RRM2B: variants seen among roughly 807,000 people sequenced by gnomAD.
RRM2B encodes the protein ribonucleoside-diphosphate reductase subunit M2 B.
Under a neutral mutation model 45.9 loss-of-function variants are expected in RRM2B, and 20 were observed. That is an observed-to-expected ratio of 0.44 (90% CI 0.31 to 0.63). The LOEUF is 0.63. Among genes scored for constraint, RRM2B ranks in the 30% least tolerant of loss-of-function variants. The pLI is 0.09. For missense variants in RRM2B, 320 were observed against 414.7 expected, an observed-to-expected ratio of 0.77 and a Z score of 1.98; for synonymous variants, 124 against 132.3, an observed-to-expected ratio of 0.94 and a Z score of 0.43.
chr8:102,232,006 A>G, intron 2 of RRM2B, 143 bp downstream of exon 2: 3 of 785,216 alleles, frequency 3.8e-6, no homozygotes, highest in Non-Finnish European at 6.4e-6. Flanking sequence ...TGAGAACATC[A>G]TATTTAGTCT....
intron 1 of RRM2B, among the ~76,000 whole-genome samples, chr8:102,237,559 C>T (rs751256429): frequency 1.3e-5 from 2 of 152,198 alleles, no homozygotes; most frequent in Non-Finnish European, 2.9e-5. Context: ...GGCAACCCAG[C>T]ATCTCAAGTT....
chr8:102,217,840 A>AG (rs1379713007), intron 6 of RRM2B, among the ~76,000 whole-genome samples: 24 of 151,358 alleles, frequency 1.6e-4, no homozygotes, highest in Admixed American at 1.1e-3. Flanking sequence ...AAAAAAAAAA[A>AG]GGGGTGGTAA....
intron 6 of RRM2B, 41 bp downstream of exon 6, chr8:102,218,773 T>A: frequency 1.4e-6 from 2 of 1,407,902 alleles, no homozygotes; most frequent in Non-Finnish European, 2.0e-6. Context: ...GAACATCAAA[T>A]ATGAATACAA....
intron 7 of RRM2B, among the ~76,000 whole-genome samples, chr8:102,213,714 T>C (rs1441092020): frequency 6.6e-6 from 1 of 151,604 alleles, no homozygotes; most frequent in Non-Finnish European, 1.5e-5. Flanking sequence ...AAATAAAAAA[T>C]CATCACTGTT....
At chr8:102,227,871 A>T (rs1247832839) in intron 2 of RRM2B, among the ~76,000 whole-genome samples, 1 of 152,120 alleles carries the variant, frequency 6.6e-6, no homozygotes, top group South Asian at 2.1e-4. Context: ...AATCCTATTC[A>T]TGAGGGCTCC....
intron 1 of RRM2B, 53 bp downstream of exon 1, chr8:102,238,774 C>T: frequency 6.2e-7 from 1 of 1,613,364 alleles, no homozygotes. Context: ...AACTTGCAAT[C>T]TAACGGGCTG....
chr8:102,237,477 A>T (rs780055915), intron 1 of RRM2B, among the ~76,000 whole-genome samples: 5 of 152,210 alleles, frequency 3.3e-5, no homozygotes, highest in Non-Finnish European at 7.3e-5. Context: ...CATTTTTTAC[A>T]AAATACTCCA....
rs781690502 is a variant in RRM2B at position 102,208,301 on chromosome 8, A to G, written c.904-16T>C. The G allele has an allele frequency of 4.0e-6, 6 of 1,497,234 alleles. No homozygotes were observed. Among genetic ancestry groups the G allele is most frequent in the Non-Finnish European group, 5.6e-6 (6 of 1,075,324 alleles). The allele number at this position is 1,497,234 out of a possible 1,614,324, so 92.7% of individuals were successfully genotyped here. On this transcript the variant is annotated splice_polypyrimidine_tract_variant and intron_variant, in intron 8 of 8. Transcript: ENST00000251810. ...CCTGAAAAACCTAAAAAGGAAAGAA[A>G]TATTATTAGACATTCTGAAGAGATC... is the stretch of plus-strand genomic sequence containing the variant.
rs377366182 is a variant in RRM2B at position 102,222,588 on chromosome 8, C to G, written c.550+1458G>C. Among the ~76,000 whole-genome samples the G allele has an allele frequency of 1.1e-4, 16 of 152,262 alleles. No homozygotes were observed. The East Asian group carries it at 2.7e-3, about 26-fold the overall frequency. On this transcript the variant is annotated intron_variant, in intron 5 of 8. Coordinates refer to ENST00000251810, the MANE Select transcript of RRM2B (RefSeq NM_015713.5). ...GCATTATTTTTTTTTAACTACCAGTCTCTCATACTTTACAATGGTATTTTC... is the reference window on the plus strand; with the variant it reads ...GCATTATTTTTTTTTAACTACCAGTGTCTCATACTTTACAATGGTATTTTC...
rs138290779 is a variant in RRM2B at position 102,237,376 on chromosome 8, T to C, written c.48+1451A>G. 2.7e-3 allele frequency among the ~76,000 whole-genome samples: 417 copies of C among 152,350 alleles called. 2 individuals carry two copies. Among genetic ancestry groups the C allele is most frequent in the African/African-American group, 9.3e-3 (386 of 41,584 alleles). On this transcript the variant is annotated intron_variant, in intron 1 of 8. Transcript: ENST00000251810. ...GGGGTTTTTTGTTTTTGTTTTAATA[T>C]GTGTACCAGGATCACCTGAAGTACT...
chr8:102,233,577 C>T (rs1258953944), intron 1 of RRM2B, among the ~76,000 whole-genome samples: 2 of 152,178 alleles, frequency 1.3e-5, no homozygotes, highest in Non-Finnish European at 2.9e-5. Context: ...GACCACAATA[C>T]ATCAGTGAGA....
chr8:102,225,803 T>C, intron 3 of RRM2B, 115 bp downstream of exon 3: 1 of 734,018 alleles, frequency 1.4e-6, no homozygotes, highest in South Asian at 1.4e-5. Context: ...GAGTTAAGCT[T>C]CATCTAGTTC....
intron 2 of RRM2B, among the ~76,000 whole-genome samples, chr8:102,229,287 A>C (rs560058502): frequency 6.4e-4 from 98 of 152,030 alleles, no homozygotes; most frequent in Non-Finnish European, 9.0e-4. Context: ...AAAAAAAAAA[A>C]CCCACAAAGC....
At chr8:102,213,473 T>C (rs1377630263) in intron 7 of RRM2B, among the ~76,000 whole-genome samples, 1 of 152,150 alleles carries the variant, frequency 6.6e-6, no homozygotes, top group Non-Finnish European at 1.5e-5. Context: ...TATGCCTTTT[T>C]CCTCTTTCAA....
At chr8:102,218,707 CA>C (rs1810774273) in intron 6 of RRM2B, 106 bp downstream of exon 6, 1 of 921,576 alleles carries the variant, frequency 1.1e-6, no homozygotes, top group Non-Finnish European at 1.6e-6. Context: ...GCCTGGGTGA[CA>C]GAGTGAGATC....
chr8:102,224,275 G>A lies in RRM2B; in HGVS notation c.456-135C>T, dbSNP rs535910668. 570 of 628,812 alleles carry A rather than the reference G, an allele frequency of 9.1e-4. 2 individuals carry two copies. The highest frequency in any genetic ancestry group is 1.3e-3 in the Non-Finnish European group (441 of 348,940). The allele number at this position is 628,812 out of a possible 1,614,324, so 39.0% of individuals were successfully genotyped here. A position where few individuals can be genotyped will look rare whatever the true frequency, so the allele number is the denominator to read the frequency against. On this transcript the variant is annotated intron_variant, in intron 4 of 8. Coordinates refer to ENST00000251810, the MANE Select transcript of RRM2B (RefSeq NM_015713.5). Reference sequence around the variant, plus strand: ...CGGCTCACTGCAAGCTCCACCTCCCGGGTTCATGCCATTCTCCTGCCTCAG... The same window carrying A: ...CGGCTCACTGCAAGCTCCACCTCCCAGGTTCATGCCATTCTCCTGCCTCAG...
At chr8:102,220,452 G>C (rs1261455404) in intron 5 of RRM2B, among the ~76,000 whole-genome samples, 4 of 152,122 alleles carry the variant, frequency 2.6e-5, no homozygotes, top group African/African-American at 9.7e-5. Flanking sequence ...ATTTTTGTTA[G>C]AGACAGTATG....
intron 6 of RRM2B, 65 bp from the exon 7 acceptor site, chr8:102,214,223 G>A (rs573197929): frequency 1.7e-5 from 18 of 1,061,540 alleles, no homozygotes; most frequent in East Asian, 7.2e-5. Flanking sequence ...ATGGTGATGG[G>A]TCAAGCATTG....
chr8:102,228,675 G>A (rs751490314), intron 2 of RRM2B, among the ~76,000 whole-genome samples: 4 of 152,132 alleles, frequency 2.6e-5, no homozygotes, highest in Non-Finnish European at 4.4e-5. Flanking sequence ...TGCTCCTGCC[G>A]GTGCCCAAAA....
Sources: allele counts gnomAD v4.1 joint callset (sites outside exome capture counted in the v4.1 genomes callset), GRCh38; gene constraint gnomAD v4.1.1; transcripts MANE v1.5; gene names NCBI Gene and HGNC (gene_info 2026-07-23, HGNC 2026-07-21).